The following OR2J1 variants were observed in gnomAD, a reference collection of about 807,000 sequenced individuals.
OR2J1 encodes olfactory receptor family 2 subfamily J member 1.
A neutral mutation model predicts 10.2 loss-of-function variants in OR2J1; 10 were observed. That is an observed-to-expected ratio of 0.98 (90% CI 0.60 to 1.66). OR2J1 has a LOEUF of 1.66. OR2J1 is among the 40% of genes most tolerant of loss of function. OR2J1 has a pLI of 0.00. For missense variants in OR2J1, 317 were observed against 379.4 expected, an observed-to-expected ratio of 0.84 and a Z score of 1.37; for synonymous variants, 143 against 138.8, an observed-to-expected ratio of 1.03 and a Z score of -0.21.
Position 29,101,365 on chromosome 6 carries a change from C to T in OR2J1, c.423C>T (p.Phe141=). The T allele has an allele frequency of 8.1e-6, 13 of 1,597,234 alleles. No individual in the cohort carries two copies. Among genetic ancestry groups the T allele is most frequent in the Non-Finnish European group, 1.0e-5 (12 of 1,164,548 alleles). The part of the protein sequence containing the change: ...LHYTVLMHPR[F]CRLLAAASWV... The stretch of plus-strand genomic sequence containing the variant: ...ACACTGTCCTCATGCACCCTCGTTT[C>T]TGCCGCTTGTTGGCTGCGGCTTCTT... Residue 141 remains phenylalanine, a synonymous_variant, in exon 2 of 2, where the codon TTC becomes TTT. Transcript: ENST00000641659.
In OR2J1 at chr6:29,101,425, C is replaced by T. The variant is rs986685878; in HGVS notation, c.483C>T (p.Ser161=). 1 of 1,525,922 alleles carries T rather than the reference C, an allele frequency of 6.6e-7. No homozygotes were observed. Among genetic ancestry groups the T allele is most frequent in the African/African-American group, 1.4e-5 (1 of 73,590 alleles). The allele number at this position is 1,525,922 out of a possible 1,614,324, so 94.5% of individuals were successfully genotyped here. A position where few individuals can be genotyped will look rare whatever the true frequency, so the allele number is the denominator to read the frequency against. The change falls in exon 2 of 2, where the codon TCC becomes TCT. Residue 161 remains serine (S), a synonymous_variant. Transcript: ENST00000641659. The part of the protein sequence containing the change: ...VSGFTTSALH[S]SFTFWIPLCR... ...GTTTTACAACCTCAGCACTTCATTC[C>T]TCCTTTACTTTCTGGATACCCCTAT...
rs1761475528 is a variant in OR2J1, at chr6:29,099,693, G to A, written c.-349G>A. On this transcript the variant is annotated 5_prime_UTR_variant, in exon 1 of 2. Coordinates refer to ENST00000641659, the MANE Select transcript of OR2J1 (RefSeq NM_001348294.2). ...TTCATTATCAACAATATGGAAAAGT[G>A]TACAGATATCTTTGTACCTGTCTGG... 1 of 152,158 alleles carries A rather than the reference G, an allele frequency of 6.6e-6. No homozygotes were observed. The highest frequency in any genetic ancestry group is 1.5e-5 in the Non-Finnish European group (1 of 68,046). 9.4% of individuals were successfully genotyped at this position (152,158 alleles called of 1,614,324 possible).
chr6:29,101,022 T>C lies in OR2J1; in HGVS notation c.80T>C (p.Val27Ala). 1 of 1,502,670 alleles carries C rather than the reference T, an allele frequency of 6.7e-7. No individual in the cohort carries two copies. Among genetic ancestry groups the C allele is most frequent in the Admixed American group, 1.7e-5 (1 of 59,876 alleles). 93.1% of individuals were successfully genotyped at this position (1,502,670 alleles called of 1,614,324 possible). ...GFSNWPHLEV[V>A]LFVVILIFYL... ...TCTAACTGGCCTCATCTGGAAGTAG[T>C]TCTCTTTGTGGTTATCTTGATCTTC... Residue 27 changes from valine (V) to alanine (A), a missense_variant, in exon 2 of 2, where the codon GTT (valine) becomes GCT (alanine). Val to Ala is a moderately conservative substitution (Grantham distance 64). Coordinates refer to ENST00000641659, the MANE Select transcript of OR2J1 (RefSeq NM_001348294.2).
rs776146903 is a variant in OR2J1, at chr6:29,101,843, G to T, written c.901G>T (p.Ala301Ser). 1.4e-6 allele frequency: 2 copies of T among 1,477,488 alleles called. No individual in the cohort carries two copies. The allele number at this position is 1,477,488 out of a possible 1,614,324, so 91.5% of individuals were successfully genotyped here. A position where few individuals can be genotyped will look rare whatever the true frequency, so the allele number is the denominator to read the frequency against. The change falls in exon 2 of 2, where the codon GCA becomes TCA. Residue 301 changes from alanine (A) to serine (S), a missense_variant. Ala to Ser is a moderately conservative substitution (Grantham distance 99). Transcript: ENST00000641659. ...TTTCAGAAACAAGGATGTAAGAGGG[G>T]CAGTGAAGAGACTAATGGGGTGGGA... The part of the protein sequence containing the change: ...YTFRNKDVRG[A>S]VKRLMGWEWG...
rs777091944 is a variant in OR2J1, at chr6:29,101,261, G to A, written c.319G>A (p.Ala107Thr). The A allele has an allele frequency of 3.3e-5, 53 of 1,601,090 alleles. No homozygotes were observed. Among genetic ancestry groups the A allele is most frequent in the Non-Finnish European group, 4.2e-5 (49 of 1,168,348 alleles). The change falls in exon 2 of 2, where the codon GCA becomes ACA. Residue 107 changes from alanine to threonine, a missense_variant. By Grantham distance (58) the Ala-to-Thr change is moderately conservative. Coordinates refer to ENST00000641659, the MANE Select transcript of OR2J1 (RefSeq NM_001348294.2). ...GCTVQLYFVLALGTAECVLLV... is the reference protein window; with the variant it reads ...GCTVQLYFVLTLGTAECVLLV... ...TACGGTTCAACTTTACTTTGTTCTCGCACTGGGAACCGCAGAGTGTGTCCT... is the reference window on the plus strand; with the variant it reads ...TACGGTTCAACTTTACTTTGTTCTCACACTGGGAACCGCAGAGTGTGTCCT...
In OR2J1 at chr6:29,101,754, A is replaced by G. The variant is rs1216852668; in HGVS notation, c.812A>G (p.Gln271Arg). ...CCACCATCAGAAAATTCTCAAGATC[A>G]AGGCAAGTTCATTGCCCTCTTTTAC... is the stretch of plus-strand genomic sequence containing the variant. ...LQPPSENSQD[Q>R]GKFIALFYTV... The change falls in exon 2 of 2, where the codon CAA becomes CGA. Residue 271 changes from glutamine (Q) to arginine (R), a missense_variant. Gln to Arg is a conservative substitution (Grantham distance 43). Transcript: ENST00000641659. 1 of 1,613,214 alleles carries G rather than the reference A, an allele frequency of 6.2e-7. No homozygotes were observed. The highest frequency in any genetic ancestry group is 2.2e-5 in the East Asian group (1 of 44,874).
chr6:29,100,394 A>G (rs1180369655), intron 1 of OR2J1, among the ~76,000 whole-genome samples: 1 of 152,194 alleles, frequency 6.6e-6, no homozygotes, highest in African/African-American at 2.4e-5. Context: ...TTATTCGTCT[A>G]GAAATAAACT....
Position 29,101,875 on chromosome 6 carries a change from G to C in OR2J1, c.933G>C (p.Gly311=). Residue 311 remains glycine, a synonymous_variant, in exon 2 of 2, where the codon GGG becomes GGC. Transcript: ENST00000641659. ...AVKRLMGWEW[G]M The stretch of plus-strand genomic sequence containing the variant: ...AGAGACTAATGGGGTGGGAATGGGG[G>C]ATGTGACAGGGAAATCATGTTGGCT... The C allele has an allele frequency of 8.5e-7, 1 of 1,175,698 alleles. No individual in the cohort carries two copies. Among genetic ancestry groups the C allele is most frequent in the Non-Finnish European group, 1.3e-6 (1 of 785,260 alleles). 72.8% of individuals were successfully genotyped at this position (1,175,698 alleles called of 1,614,324 possible).
rs1356323243 is a variant in OR2J1, at chr6:29,101,256, T to A, written c.314T>A (p.Val105Asp). Reference sequence around the variant, plus strand: ...GGTTGTACGGTTCAACTTTACTTTGTTCTCGCACTGGGAACCGCAGAGTGT... The same window carrying A: ...GGTTGTACGGTTCAACTTTACTTTGATCTCGCACTGGGAACCGCAGAGTGT... ...YAGCTVQLYFVLALGTAECVL... is the reference protein window; with the variant it reads ...YAGCTVQLYFDLALGTAECVL... The change falls in exon 2 of 2, where the codon GTT becomes GAT. Residue 105 changes from valine (V) to aspartate (D), a missense_variant. By Grantham distance (152) the Val-to-Asp change is radical. Coordinates refer to ENST00000641659, the MANE Select transcript of OR2J1 (RefSeq NM_001348294.2). The A allele has an allele frequency of 6.2e-7, 1 of 1,602,300 alleles. No homozygotes were observed. Among genetic ancestry groups the A allele is most frequent in the South Asian group, 1.1e-5 (1 of 90,812 alleles).
In OR2J1 at chr6:29,101,155, T is replaced by A; in HGVS notation, c.213T>A (p.Asp71Glu). ...YFFLSNLSFL[D>E]LCYTTSSIPQ... Reference sequence around the variant, plus strand: ...TCCTTTCAAATCTCTCATTTCTGGATCTCTGCTACACCACCAGCTCTATCC... The same window carrying A: ...TCCTTTCAAATCTCTCATTTCTGGAACTCTGCTACACCACCAGCTCTATCC... The change falls in exon 2 of 2, where the codon GAT becomes GAA. Residue 71 changes from aspartate (D) to glutamate (E), a missense_variant. Asp to Glu is a conservative substitution (Grantham distance 45). Coordinates refer to ENST00000641659, the MANE Select transcript of OR2J1 (RefSeq NM_001348294.2). 2 of 1,588,018 alleles carry A rather than the reference T, an allele frequency of 1.3e-6. No homozygotes were observed. The highest frequency in any genetic ancestry group is 1.7e-6 in the Non-Finnish European group (2 of 1,156,228).
rs1761551309 is a variant in OR2J1 at position 29,100,861 on chromosome 6, C to T, written c.-82C>T. On this transcript the variant is annotated 5_prime_UTR_variant, in exon 2 of 2. Coordinates refer to ENST00000641659, the MANE Select transcript of OR2J1 (RefSeq NM_001348294.2). ...GAATTGGGATACTTTTTTCTCCAAT[C>T]TGTTTGCAAGTGAGCAGTTGGCAAT... 3 of 680,748 alleles carry T rather than the reference C, an allele frequency of 4.4e-6. No homozygotes were observed. The highest frequency in any genetic ancestry group is 2.7e-5 in the Admixed American group (1 of 37,452). 42.2% of individuals were successfully genotyped at this position (680,748 alleles called of 1,614,324 possible).
chr6:29,101,451 G>A lies in OR2J1; in HGVS notation c.509G>A (p.Cys170Tyr), dbSNP rs760935828. 8.6e-6 allele frequency: 13 copies of A among 1,505,002 alleles called. No homozygotes were observed. Among genetic ancestry groups the A allele is most frequent in the Middle Eastern group, 1.7e-4 (1 of 5,894 alleles). The allele number at this position is 1,505,002 out of a possible 1,614,324, so 93.2% of individuals were successfully genotyped here. ...TCCTTTACTTTCTGGATACCCCTATGTAGACATCGCCTAGTGGATCACTTC... is the reference window on the plus strand; with the variant it reads ...TCCTTTACTTTCTGGATACCCCTATATAGACATCGCCTAGTGGATCACTTC... ...HSSFTFWIPL[C>Y]RHRLVDHFFC... Residue 170 changes from cysteine to tyrosine, a missense_variant, in exon 2 of 2, where the codon TGT (cysteine) becomes TAT (tyrosine). Transcript: ENST00000641659.
Position 29,101,341 on chromosome 6 carries a change from C to G in OR2J1, c.399C>G (p.Tyr133Ter). The G allele has an allele frequency of 6.2e-7, 1 of 1,602,108 alleles. No individual in the cohort carries two copies. The highest frequency in any genetic ancestry group is 8.6e-7 in the Non-Finnish European group (1 of 1,169,024). Reference protein sequence around the residue: ...RYAAVCRPLHYTVLMHPRFCR... With the variant: ...RYAAVCRPLH The stretch of plus-strand genomic sequence containing the variant: ...CAGCTGTGTGTAGACCTTTGCATTA[C>G]ACTGTCCTCATGCACCCTCGTTTCT... The change falls in exon 2 of 2, where the codon TAC becomes TAG. Residue 133 changes from tyrosine to a stop codon, truncating the protein, a stop_gained. Transcript: ENST00000641659. LOFTEE classifies it high-confidence loss of function.
At chr6:29,100,324 G>T (rs1761520198) in intron 1 of OR2J1, among the ~76,000 whole-genome samples, 1 of 152,080 alleles carries the variant, frequency 6.6e-6, no homozygotes, top group South Asian at 2.1e-4. Flanking sequence ...CTTATATTGT[G>T]AATTTTTATA....
rs9257494 is a variant in OR2J1, at chr6:29,102,249, C to T, written c.*368C>T. ...ATTGATATGTATAGGAAGAGAAGGG[C>T]AATATTGCAAAGATGTAGGCTGAAG... On this transcript the variant is annotated 3_prime_UTR_variant, in exon 2 of 2. Coordinates refer to ENST00000641659, the MANE Select transcript of OR2J1 (RefSeq NM_001348294.2). The T allele has an allele frequency of 2.3e-5, 4 of 174,792 alleles. No homozygotes were observed. Among genetic ancestry groups the T allele is most frequent in the Non-Finnish European group, 3.6e-5 (3 of 83,020 alleles). 10.8% of individuals were successfully genotyped at this position (174,792 alleles called of 1,614,324 possible).
rs866264659 is a variant in OR2J1 at position 29,100,913 on chromosome 6, A to T, written c.-30A>T. 1 of 985,786 alleles carries T rather than the reference A, an allele frequency of 1.0e-6. No homozygotes were observed. The allele number at this position is 985,786 out of a possible 1,614,324, so 61.1% of individuals were successfully genotyped here. On this transcript the variant is annotated 5_prime_UTR_variant, in exon 2 of 2. Coordinates refer to ENST00000641659, the MANE Select transcript of OR2J1 (RefSeq NM_001348294.2). ...CATGGACAGACTTTGAGTTTATGCGATTCTTTCTTTAGGTACAGGAAAAAT... is the reference window on the plus strand; with the variant it reads ...CATGGACAGACTTTGAGTTTATGCGTTTCTTTCTTTAGGTACAGGAAAAAT...
chr6:29,101,977 C>T lies in OR2J1; in HGVS notation c.*96C>T. 1 of 621,140 alleles carries T rather than the reference C, an allele frequency of 1.6e-6. No individual in the cohort carries two copies. 38.5% of individuals were successfully genotyped at this position (621,140 alleles called of 1,614,324 possible). On this transcript the variant is annotated 3_prime_UTR_variant, in exon 2 of 2. Coordinates refer to ENST00000641659, the MANE Select transcript of OR2J1 (RefSeq NM_001348294.2). Reference sequence around the variant, plus strand: ...TTGTGATTTGTGTTTCATCTAACAGCTCACAAAACATGGAATAGTTCAGTT... The same window carrying T: ...TTGTGATTTGTGTTTCATCTAACAGTTCACAAAACATGGAATAGTTCAGTT...
rs746938852 is a variant in OR2J1 at position 29,101,832 on chromosome 6, A to T, written c.890A>T (p.Asp297Val). Residue 297 changes from aspartate to valine, a missense_variant, in exon 2 of 2, where the codon GAT (aspartate) becomes GTT (valine). Asp to Val is a radical substitution (Grantham distance 152). Transcript: ENST00000641659. The stretch of plus-strand genomic sequence containing the variant: ...CTAATCTACACTTTCAGAAACAAGG[A>T]TGTAAGAGGGGCAGTGAAGAGACTA... ...NPLIYTFRNKDVRGAVKRLMG... is the reference protein window; with the variant it reads ...NPLIYTFRNKVVRGAVKRLMG... 3.9e-6 allele frequency: 6 copies of T among 1,534,180 alleles called. No homozygotes were observed. Among genetic ancestry groups the T allele is most frequent in the Admixed American group, 3.3e-5 (2 of 59,874 alleles).
rs1179659706 is a variant in OR2J1, at chr6:29,101,783, G to C, written c.841G>C (p.Val281Leu). Residue 281 changes from valine to leucine, a missense_variant, in exon 2 of 2, where the codon GTT (valine) becomes CTT (leucine). Transcript: ENST00000641659. ...QGKFIALFYT[V>L]VTPSLNPLIY... is the part of the protein sequence containing the mutation. ...CAAGTTCATTGCCCTCTTTTACACT[G>C]TTGTCACACCTAGTCTTAACCCTCT... 1 of 1,608,286 alleles carries C rather than the reference G, an allele frequency of 6.2e-7. No homozygotes were observed. Among genetic ancestry groups the C allele is most frequent in the East Asian group, 2.2e-5 (1 of 44,860 alleles).
Sources: gnomAD v4.1 joint callset for allele counts (sites outside exome capture counted in the v4.1 genomes callset) on GRCh38, gnomAD v4.1.1 for gene constraint, MANE v1.5 for transcripts, NCBI Gene and HGNC (gene_info 2026-07-23, HGNC 2026-07-21) for gene names.